Variants in RAB31 observed in about 807,000 individuals in gnomAD.
RAB31 encodes ras-related protein Rab-31.
RAB31 carries 21 observed loss-of-function variants against 25.6 expected under a neutral mutation model. The observed-to-expected ratio is 0.82, with a 90% CI of 0.58 to 1.18. The LOEUF (loss-of-function observed/expected upper bound fraction) is 1.18. Among genes scored for constraint, RAB31 ranks in the 50% most tolerant of loss-of-function variants. RAB31 has a pLI of 0.00. For missense variants in RAB31, 196 were observed against 250.1 expected (o/e 0.78, Z 1.46); for synonymous variants, 87 against 84.0 (o/e 1.04, Z -0.20).
intron 5 of RAB31, among the ~76,000 whole-genome samples, chr18:9,818,692 T>G (rs190218987): frequency 2.0e-3 from 303 of 152,344 alleles, no homozygotes; most frequent in Middle Eastern, 3.4e-3. Flanking sequence ...CTCTCTAGGA[T>G]ATGTACTTAG....
intron 6 of RAB31, among the ~76,000 whole-genome samples, chr18:9,855,263 T>C (rs542722912): frequency 4.8e-4 from 73 of 151,692 alleles, no homozygotes; most frequent in Non-Finnish European, 9.9e-4. Context: ...AAAAAAAAAG[T>C]CTTTTAAACT....
chr18:9,781,049 T>G (rs2056619435), intron 2 of RAB31, among the ~76,000 whole-genome samples: 1 of 152,214 alleles, frequency 6.6e-6, no homozygotes, highest in East Asian at 1.9e-4. Flanking sequence ...GTTAAACTCT[T>G]AGCAATGGAA....
chr18:9,744,335 CT>C (rs1346415958), intron 1 of RAB31, among the ~76,000 whole-genome samples: 16 of 152,166 alleles, frequency 1.1e-4, no homozygotes, highest in Non-Finnish European at 2.9e-5. Context: ...AAATGACCCC[CT>C]CCAAGCCGTA....
At chr18:9,737,036 G>T (rs943997859) in intron 1 of RAB31, among the ~76,000 whole-genome samples, 1 of 152,110 alleles carries the variant, frequency 6.6e-6, no homozygotes, top group Non-Finnish European at 1.5e-5. Flanking sequence ...TTTAAAAAAT[G>T]GATCAATAGA....
At chr18:9,814,161 AG>A in intron 4 of RAB31, 70 bp downstream of exon 4, 1 of 1,161,462 alleles carries the variant, frequency 8.6e-7, no homozygotes, top group South Asian at 1.3e-5. Flanking sequence ...ACTGGAGCAG[AG>A]ACGTCACTGC....
Position 9,775,346 on chromosome 18 carries a change from C to A in RAB31, c.108C>A (p.Ser36Arg). Residue 36 changes from serine (S) to arginine (R), a missense_variant, in exon 2 of 7, where the codon AGC (serine) becomes AGA (arginine). Physicochemically the swap from Ser to Arg is moderately radical, Grantham distance 110. Transcript: ENST00000578921. ...FVQDHFDHNI[S>R]PTIGASFMTK... ...AGGATCACTTTGACCACAACATCAG[C>A]CCTACTATTGGGTAAGTTCCTGTAT... is the stretch of plus-strand genomic sequence containing the variant. 2 of 1,613,804 alleles carry A rather than the reference C, an allele frequency of 1.2e-6. No homozygotes were observed. Among genetic ancestry groups the A allele is most frequent in the Non-Finnish European group, 1.7e-6 (2 of 1,179,774 alleles).
At chr18:9,719,972 C>CGT (rs1555683236) in intron 1 of RAB31, among the ~76,000 whole-genome samples, 1 of 149,234 alleles carries the variant, frequency 6.7e-6, no homozygotes, top group Non-Finnish European at 1.5e-5. Context: ...CCAGGCTCAC[C>CGT]TTTTTTTTTT....
intron 5 of RAB31, among the ~76,000 whole-genome samples, chr18:9,832,849 A>AACTC (rs1185267974): frequency 6.6e-6 from 1 of 152,208 alleles, no homozygotes; most frequent in African/African-American, 2.4e-5. Context: ...AGGTGTAAAG[A>AACTC]ACTCACAGCG....
At chr18:9,750,460 G>A (rs1222610061) in intron 1 of RAB31, among the ~76,000 whole-genome samples, 1 of 152,190 alleles carries the variant, frequency 6.6e-6, no homozygotes, top group Non-Finnish European at 1.5e-5. Context: ...ATGCACTGGG[G>A]CCCTGGGAAG....
At chr18:9,778,239 G>A (rs2145492485) in intron 2 of RAB31, among the ~76,000 whole-genome samples, 1 of 152,262 alleles carries the variant, frequency 6.6e-6, no homozygotes, top group Non-Finnish European at 1.5e-5. Flanking sequence ...TAAAGGGGGA[G>A]ACACAGGCTG....
chr18:9,791,245 A>C (rs2068458014), intron 2 of RAB31, among the ~76,000 whole-genome samples: 1 of 152,146 alleles, frequency 6.6e-6, no homozygotes, highest in South Asian at 2.1e-4. Context: ...CCATTGTAAG[A>C]CCAAAAACAT....
chr18:9,796,123 A>C (rs183337818), intron 3 of RAB31, among the ~76,000 whole-genome samples: 1 of 152,246 alleles, frequency 6.6e-6, no homozygotes, highest in Admixed American at 6.5e-5. Flanking sequence ...ATTATTCTAA[A>C]TGAAGTAACA....
chr18:9,764,004 A>G (rs1298303984), intron 1 of RAB31, among the ~76,000 whole-genome samples: 2 of 152,196 alleles, frequency 1.3e-5, no homozygotes, highest in Non-Finnish European at 1.5e-5. Context: ...TATGGAAACA[A>G]TGTTGTCAGT....
intron 1 of RAB31, among the ~76,000 whole-genome samples, chr18:9,724,278 A>C (rs1380045849): frequency 2.4e-5 from 3 of 123,060 alleles, no homozygotes; most frequent in Admixed American, 9.1e-5. Context: ...CTCAAAAAAA[A>C]AAAAAAAAAC....
chr18:9,708,529 C>T lies in RAB31; in HGVS notation c.39+85C>T, dbSNP rs569327097. 3,890 of 1,216,648 alleles carry T rather than the reference C, an allele frequency of 3.2e-3. 17 individuals are homozygous for T. Among genetic ancestry groups the T allele is most frequent in the Middle Eastern group, 5.3e-3 (25 of 4,754 alleles). 75.4% of individuals were successfully genotyped at this position (1,216,648 alleles called of 1,614,324 possible). ...CCCCTATTCCCTGCGCGCTCAGTCCCCGTGATCCCCTCGCTCTCCGCACCC... is the reference window on the plus strand; with the variant it reads ...CCCCTATTCCCTGCGCGCTCAGTCCTCGTGATCCCCTCGCTCTCCGCACCC... On this transcript the variant is annotated intron_variant, in intron 1 of 6. Coordinates refer to ENST00000578921, the MANE Select transcript of RAB31 (RefSeq NM_006868.4). This position sits in a 1 kb window ranked among gnomAD's most constrained non-coding sequence, Gnocchi z 6.4.
Position 9,859,413 on chromosome 18 carries a change from C to G in RAB31, c.*88C>G, listed in dbSNP as rs115588692. The G allele has an allele frequency of 5.9e-6, 7 of 1,190,486 alleles. No homozygotes were observed. In the East Asian group the frequency reaches 1.7e-4, roughly 30 times the overall value. The allele number at this position is 1,190,486 out of a possible 1,614,324, so 73.7% of individuals were successfully genotyped here. A position where few individuals can be genotyped will look rare whatever the true frequency, so the allele number is the denominator to read the frequency against. On this transcript the variant is annotated 3_prime_UTR_variant, in exon 7 of 7. Transcript: ENST00000578921. ...GGACCCTACGCTCGGTGGCCTGGCACCTCACTTTGAGAAGAGTGAGCACAC... is the reference window on the plus strand; with the variant it reads ...GGACCCTACGCTCGGTGGCCTGGCAGCTCACTTTGAGAAGAGTGAGCACAC...
intron 1 of RAB31, among the ~76,000 whole-genome samples, chr18:9,774,489 C>T (rs1212790131): frequency 1.3e-5 from 2 of 152,196 alleles, no homozygotes; most frequent in African/African-American, 4.8e-5. Context: ...GCTTCTCTCC[C>T]TGCCAGCAGT....
At chr18:9,739,743 T>C (rs1211161723) in intron 1 of RAB31, among the ~76,000 whole-genome samples, 1 of 152,132 alleles carries the variant, frequency 6.6e-6, no homozygotes, top group Non-Finnish European at 1.5e-5. Flanking sequence ...TGGTGGCTTG[T>C]GGGGTCATCA....
rs1159739864 is a variant in RAB31, at chr18:9,814,037, C to T, written c.219C>T (p.Pro73=). 1.3e-6 allele frequency: 2 copies of T among 1,591,904 alleles called. No homozygotes were observed. Among genetic ancestry groups the T allele is most frequent in the Non-Finnish European group, 1.7e-6 (2 of 1,165,926 alleles). The change falls in exon 4 of 7, where the codon CCC becomes CCT. Residue 73 remains proline (P), a synonymous_variant. Transcript: ENST00000578921. ...AGQERFHSLA[P]MYYRGSAAAV... The stretch of plus-strand genomic sequence containing the variant: ...TTAAACAGTTTCATTCATTGGCTCC[C>T]ATGTACTATCGAGGCTCAGCTGCAG...
Sources: allele counts gnomAD v4.1 joint callset (sites outside exome capture counted in the v4.1 genomes callset), GRCh38; gene constraint gnomAD v4.1.1; non-coding constraint Gnocchi (gnomAD v3.1); transcripts MANE v1.5; gene names NCBI Gene and HGNC (gene_info 2026-07-23, HGNC 2026-07-21).